The following RIGI variants were observed in gnomAD, a reference collection of about 807,000 sequenced individuals.
The protein encoded by RIGI is RNA sensor RIG-I.
chr9:32,488,978 C>A, the RIGI span: 1 of 970,858 alleles, frequency 1.0e-6, no homozygotes, highest in Admixed American at 3.3e-5. Context: ...TCTAATACCA[C>A]TGAGCTGACT....
chr9:32,498,446 T>C, the RIGI span: 1 of 441,880 alleles, frequency 2.3e-6, no homozygotes, highest in Non-Finnish European at 4.6e-6. Context: ...GGCCCGAGGC[T>C]ACACTTCCCA....
the RIGI span, chr9:32,489,210 T>C: frequency 3.3e-6 from 2 of 598,806 alleles, no homozygotes; most frequent in African/African-American, 1.9e-5. Flanking sequence ...ATTAGGATTA[T>C]ATTAGGACAG....
At chr9:32,477,283 T>C in the RIGI span, 1 of 817,136 alleles carries the variant, frequency 1.2e-6, no homozygotes, top group South Asian at 2.0e-5. Context: ...TACAACCTTT[T>C]AAGAGGTAAT....
At chr9:32,466,336 G>C in the RIGI span, 1 of 1,613,898 alleles carries the variant, frequency 6.2e-7, no homozygotes, top group Non-Finnish European at 8.5e-7. Flanking sequence ...GCGTAAAATA[G>C]AGTCATTCAT....
the RIGI span, chr9:32,457,291 C>G: frequency 1.2e-6 from 2 of 1,614,142 alleles, no homozygotes; most frequent in Admixed American, 3.3e-5. Context: ...CCAGTCATGG[C>G]TGCAGTTCTG....
chr9:32,500,995 G>C, the RIGI span: 1 of 1,585,332 alleles, frequency 6.3e-7, no homozygotes, highest in East Asian at 2.2e-5. Context: ...ATCATTAGAA[G>C]AAAAACCAGA....
At chr9:32,500,263 A>T in the RIGI span, among the ~76,000 whole-genome samples, 1,632 of 152,290 alleles carry the variant, frequency 0.011, 23 homozygotes, top group African/African-American at 0.036. Flanking sequence ...TCACTGAAAA[A>T]GTATGTAGGA....
chr9:32,526,089 C>T, the RIGI span: 2 of 1,613,838 alleles, frequency 1.2e-6, no homozygotes, highest in South Asian at 2.2e-5. Context: ...CCATGTAGCT[C>T]AGGATGTAGG....
the RIGI span, chr9:32,501,090 C>G: frequency 1.0e-6 from 1 of 982,786 alleles, no homozygotes; most frequent in Non-Finnish European, 1.5e-6. Flanking sequence ...GCAGCAAAAC[C>G]TCTGCCCAGG....
At chr9:32,459,008 C>A in the RIGI span, among the ~76,000 whole-genome samples, 5 of 151,706 alleles carry the variant, frequency 3.3e-5, no homozygotes, top group Non-Finnish European at 7.4e-5. Flanking sequence ...CCTGCCTCAG[C>A]CTCCCGAGTA....
chr9:32,503,512 C>T, the RIGI span, among the ~76,000 whole-genome samples: 1 of 152,152 alleles, frequency 6.6e-6, no homozygotes, highest in Non-Finnish European at 1.5e-5. Flanking sequence ...AGTCTCCTTA[C>T]TGACTAAAGC....
At chr9:32,509,455 A>G in the RIGI span, among the ~76,000 whole-genome samples, 1 of 152,190 alleles carries the variant, frequency 6.6e-6, no homozygotes, top group Non-Finnish European at 1.5e-5. Context: ...TACCCAGGCA[A>G]ACAGGGTCTG....
At chr9:32,515,808 G>A in the RIGI span, among the ~76,000 whole-genome samples, 3 of 152,198 alleles carry the variant, frequency 2.0e-5, no homozygotes, top group South Asian at 2.1e-4. Flanking sequence ...GACAGACCTT[G>A]GGTTCTCAGC....
the RIGI span, chr9:32,491,379 C>A: frequency 9.9e-6 from 16 of 1,612,590 alleles, no homozygotes; most frequent in Admixed American, 1.7e-4. Context: ...TCAGAAGTTT[C>A]CATCTTATCC....
At chr9:32,475,982 T>A in the RIGI span, among the ~76,000 whole-genome samples, 3,357 of 152,094 alleles carry the variant, frequency 0.022, 145 homozygotes, top group African/African-American at 0.078. Flanking sequence ...TCAGATGATA[T>A]ACCAATCTTT....
chr9:32,456,918 G>A, the RIGI span: 1 of 538,052 alleles, frequency 1.9e-6, no homozygotes, highest in Non-Finnish European at 3.3e-6. Flanking sequence ...CAAGTACTAT[G>A]AGCTCTGTTG....
At chr9:32,487,703 C>A in the RIGI span, 3 of 1,557,076 alleles carry the variant, frequency 1.9e-6, no homozygotes, top group Admixed American at 5.5e-5. Context: ...CCTCATATAA[C>A]TCTTTCCTGC....
At chr9:32,469,752 C>A in the RIGI span, among the ~76,000 whole-genome samples, 4 of 152,286 alleles carry the variant, frequency 2.6e-5, no homozygotes, top group East Asian at 7.7e-4. Context: ...GTGATAATCA[C>A]CCAGTTTGTG....
the RIGI span, chr9:32,477,043 CTCT>C: frequency 1.9e-6 from 3 of 1,614,204 alleles, no homozygotes. Flanking sequence ...TTAAGTGGTA[CTCT>C]TCTTGTAAGA....
Sources: gnomAD v4.1 joint callset for allele counts (sites outside exome capture counted in the v4.1 genomes callset) on GRCh38, gnomAD v4.1.1 for gene constraint, MANE v1.5 for transcripts, NCBI Gene and HGNC (gene_info 2026-07-23, HGNC 2026-07-21) for gene names.